The following GTF2A1 variants were observed in gnomAD, a reference collection of about 807,000 sequenced individuals.
GTF2A1 encodes the protein transcription initiation factor IIA subunit 1.
A neutral mutation model predicts 54.1 loss-of-function variants in GTF2A1; 12 were observed. The ratio of observed to expected loss-of-function variants is 0.22; its 90% confidence interval spans 0.14 to 0.36. The LOEUF is 0.36. Among genes scored for constraint, GTF2A1 ranks in the 10% least tolerant of loss-of-function variants. The pLI, the probability that GTF2A1 is intolerant of heterozygous loss-of-function variation, is 1.00. For synonymous variants in GTF2A1, 145 were observed against 152.0 expected (o/e 0.95, Z 0.34); for missense variants, 335 against 442.2 (o/e 0.76, Z 2.17).
chr14:81,184,979 AGGAATCAATGGCTAG>A (rs1441177952), intron 8 of GTF2A1, among the ~76,000 whole-genome samples: 1 of 152,234 alleles, frequency 6.6e-6, no homozygotes, highest in Non-Finnish European at 1.5e-5. Flanking sequence ...TAAGAAAATA[AGGAATCAATGGCTAG>A]TTTTCACAGT....
At chr14:81,216,025 TAA>T (rs1043304951) in intron 2 of GTF2A1, among the ~76,000 whole-genome samples, 1 of 151,848 alleles carries the variant, frequency 6.6e-6, no homozygotes, top group Non-Finnish European at 1.5e-5. Context: ...GTCTCAAAAA[TAA>T]AAAACGAAAA....
Position 81,180,049 on chromosome 14 carries a change from A to C in GTF2A1, c.*174T>G. On this transcript the variant is annotated 3_prime_UTR_variant, in exon 9 of 9. Coordinates refer to ENST00000553612, the MANE Select transcript of GTF2A1 (RefSeq NM_015859.4). ...AGGTGCTACAGTTCCATGGCTTGCC[A>C]GTAAGTAGTGTCTATGTTGTCAAGG... The C allele has an allele frequency of 6.8e-6, 1 of 147,180 alleles. No homozygotes were observed. Among genetic ancestry groups the C allele is most frequent in the Non-Finnish European group, 1.4e-5 (1 of 73,550 alleles). 9.1% of individuals were successfully genotyped at this position (147,180 alleles called of 1,614,324 possible). A position where few individuals can be genotyped will look rare whatever the true frequency, so the allele number is the denominator to read the frequency against.
At chr14:81,208,028 A>C (rs1284048240) in intron 2 of GTF2A1, among the ~76,000 whole-genome samples, 1 of 152,172 alleles carries the variant, frequency 6.6e-6, no homozygotes, top group Non-Finnish European at 1.5e-5. Context: ...TTTTGAGGAG[A>C]AATTCAAGCT....
rs1892556509 is a variant in GTF2A1, at chr14:81,177,690, A to G, written c.*2533T>C. Reference sequence around the variant, plus strand: ...TTTCATTTTCAAATTCTGAAAGTGGAAATCCCTTGCCTTTTCAAAGGAATG... The same window carrying G: ...TTTCATTTTCAAATTCTGAAAGTGGGAATCCCTTGCCTTTTCAAAGGAATG... On this transcript the variant is annotated 3_prime_UTR_variant, in exon 9 of 9. Transcript: ENST00000553612. 1 of 152,162 alleles carries G rather than the reference A, an allele frequency of 6.6e-6. No individual in the cohort carries two copies. The highest frequency in any genetic ancestry group is 2.4e-5 in the African/African-American group (1 of 41,460). The allele number at this position is 152,162 out of a possible 1,614,324, so 9.4% of individuals were successfully genotyped here. A position where few individuals can be genotyped will look rare whatever the true frequency, so the allele number is the denominator to read the frequency against.
At chr14:81,210,897 A>G (rs1893350456) in intron 2 of GTF2A1, among the ~76,000 whole-genome samples, 2 of 152,206 alleles carry the variant, frequency 1.3e-5, no homozygotes, top group East Asian at 3.9e-4. Context: ...ACAATCAGGA[A>G]TACTAATCTT....
At chr14:81,204,835 A>G in intron 2 of GTF2A1, among the ~76,000 whole-genome samples, 1 of 152,202 alleles carries the variant, frequency 6.6e-6, no homozygotes, top group Non-Finnish European at 1.5e-5. Context: ...AAAAGAAAAC[A>G]TGTGCAACGA....
chr14:81,221,062 G>A (rs1417364432), upstream of GTF2A1: 1 of 153,094 alleles, frequency 6.5e-6, no homozygotes. Flanking sequence ...CCGGGGCGGA[G>A]GCCGCCGGCG....
intron 7 of GTF2A1, among the ~76,000 whole-genome samples, chr14:81,191,423 A>C (rs1310880402): frequency 1.3e-5 from 2 of 152,210 alleles, no homozygotes; most frequent in Non-Finnish European, 2.9e-5. Context: ...CCTTATGTCC[A>C]CTGGATTAGA....
intron 8 of GTF2A1, among the ~76,000 whole-genome samples, chr14:81,181,300 G>A (rs1196437737): frequency 3.3e-5 from 5 of 150,466 alleles, no homozygotes; most frequent in African/African-American, 1.2e-4. Context: ...CTTCTGCAAA[G>A]AAGGCCCCCT....
At chr14:81,195,681 G>A (rs1892977818) in intron 6 of GTF2A1, among the ~76,000 whole-genome samples, 1 of 151,736 alleles carries the variant, frequency 6.6e-6, no homozygotes, top group Non-Finnish European at 1.5e-5. Context: ...AATTGGTAGG[G>A]CTTGATACCT....
intron 2 of GTF2A1, among the ~76,000 whole-genome samples, chr14:81,210,988 GACTAATA>G (rs770969760): frequency 9.2e-5 from 14 of 152,134 alleles, no homozygotes; most frequent in Non-Finnish European, 1.3e-4. Context: ...ATATTGTGTT[GACTAATA>G]ACTAAAACTT....
rs1193699935 is a variant in GTF2A1 at position 81,176,520 on chromosome 14, T to A, written c.*3703A>T. 1.3e-5 allele frequency: 2 copies of A among 152,094 alleles called. No individual in the cohort carries two copies. Among genetic ancestry groups the A allele is most frequent in the African/African-American group, 4.8e-5 (2 of 41,416 alleles). 9.4% of individuals were successfully genotyped at this position (152,094 alleles called of 1,614,324 possible). On this transcript the variant is annotated 3_prime_UTR_variant, in exon 9 of 9. Coordinates refer to ENST00000553612, the MANE Select transcript of GTF2A1 (RefSeq NM_015859.4). ...CCTTAAAAGAGAAAAGTTTTTTTGT[T>A]CCTCAAAATAAACAAAAATGTTAGT... is the stretch of plus-strand genomic sequence containing the variant.
At position 81,175,521 on chromosome 14, in the gene GTF2A1, T is replaced by C. The variant is rs1566846897; in HGVS notation, c.*4702A>G. 1 of 152,208 alleles carries C rather than the reference T, an allele frequency of 6.6e-6. No homozygotes were observed. The highest frequency in any genetic ancestry group is 1.5e-5 in the Non-Finnish European group (1 of 68,032). 9.4% of individuals were successfully genotyped at this position (152,208 alleles called of 1,614,324 possible). A position where few individuals can be genotyped will look rare whatever the true frequency, so the allele number is the denominator to read the frequency against. ...AGTTAAAATTTGCATGTTTTCTAGATAGTCTGTTAACAGGATAAAAAAATA... is the reference window on the plus strand; with the variant it reads ...AGTTAAAATTTGCATGTTTTCTAGACAGTCTGTTAACAGGATAAAAAAATA... On this transcript the variant is annotated 3_prime_UTR_variant, in exon 9 of 9. Coordinates refer to ENST00000553612, the MANE Select transcript of GTF2A1 (RefSeq NM_015859.4).
chr14:81,214,846 T>C (rs953298921), intron 2 of GTF2A1, among the ~76,000 whole-genome samples: 4 of 152,190 alleles, frequency 2.6e-5, no homozygotes, highest in Non-Finnish European at 5.9e-5. Context: ...TGAGTGAGAA[T>C]GACAAATGAC....
Position 81,176,949 on chromosome 14 carries a change from G to A in GTF2A1, c.*3274C>T, listed in dbSNP as rs939727116. ...AAATTATGTCTGTTTTCCTATACAA[G>A]GGGTATTTACCCTCTGATAAGAATG... On this transcript the variant is annotated 3_prime_UTR_variant, in exon 9 of 9. Transcript: ENST00000553612. The A allele has an allele frequency of 2.6e-5, 4 of 151,972 alleles. No homozygotes were observed. Among genetic ancestry groups the A allele is most frequent in the African/African-American group, 9.7e-5 (4 of 41,388 alleles). 9.4% of individuals were successfully genotyped at this position (151,972 alleles called of 1,614,324 possible).
chr14:81,213,049 G>T lies in GTF2A1; in HGVS notation c.132+3364C>A, dbSNP rs191989986. Among the ~76,000 whole-genome samples, 3 of 152,258 alleles carry T rather than the reference G, an allele frequency of 2.0e-5. No homozygotes were observed. In the East Asian group the frequency reaches 5.8e-4, roughly 29 times the overall value. On this transcript the variant is annotated intron_variant, in intron 2 of 8. Transcript: ENST00000553612. ...TTATTTTTAACTCCAATACAACCCA[G>T]ATAGAAGAGTATGGCCCATTTAAAA...
intron 2 of GTF2A1, among the ~76,000 whole-genome samples, chr14:81,206,427 T>C (rs1213079300): frequency 6.6e-6 from 1 of 152,136 alleles, no homozygotes; most frequent in Non-Finnish European, 1.5e-5. Context: ...AATAATTATG[T>C]CCTATATGCC....
Position 81,203,991 on chromosome 14 carries a change from G to T in GTF2A1, c.246C>A (p.His82Gln), listed in dbSNP as rs979794325. 3 of 1,613,804 alleles carry T rather than the reference G, an allele frequency of 1.9e-6. No homozygotes were observed. The highest frequency in any genetic ancestry group is 2.5e-6 in the Non-Finnish European group (3 of 1,179,886). Residue 82 changes from histidine (H) to glutamine (Q), a missense_variant, in exon 3 of 9, where the codon CAC (histidine) becomes CAA (glutamine). Physicochemically the swap from His to Gln is conservative, Grantham distance 24. Around this residue, in one of 2 missense-constraint regions of GTF2A1, gnomAD observed 306 missense variants for 360.4 expected, o/e 0.85. Transcript: ENST00000553612. ...GAGCTTGCTGATGATGGTGATGGTG[G>T]TGATGCTGCTGCTGCTGGGGTTGAT... The part of the protein sequence containing the change: ...QQHQPQQQQH[H>Q]HHHHHQQAQP...
rs114012392 is a variant in GTF2A1 at position 81,195,667 on chromosome 14, C to A, written c.612+441G>T. Among the ~76,000 whole-genome samples the A allele has an allele frequency of 9.7e-3, 1,377 of 141,500 alleles. 24 individuals carry two copies. The highest frequency in any genetic ancestry group is 0.035 in the African/African-American group (1,324 of 38,270). 92.8% of individuals were successfully genotyped at this position (141,500 alleles called of 152,430 possible). On this transcript the variant is annotated intron_variant, in intron 6 of 8. Transcript: ENST00000553612. ...AAAAAAAGAAAAGAAAAACTATTAA[C>A]AAGAATTGGTAGGGCTTGATACCTT...
Sources: gnomAD v4.1 joint callset for allele counts (sites outside exome capture counted in the v4.1 genomes callset) on GRCh38, gnomAD v4.1.1 for gene constraint, gnomAD v4.1.1 regional missense constraint, MANE v1.5 for transcripts, NCBI Gene and HGNC (gene_info 2026-07-23, HGNC 2026-07-21) for gene names.